Variants in PROM1 observed in about 807,000 individuals in gnomAD.
PROM1 encodes the protein prominin-1.
PROM1 carries 105 observed loss-of-function variants against 116.9 expected under a neutral mutation model. The observed-to-expected ratio is 0.90, with a 90% CI of 0.77 to 1.06. PROM1 has a LOEUF of 1.06. Among genes scored for constraint, PROM1 ranks in the 50% least tolerant of loss-of-function variants. PROM1 has a pLI of 0.00. For missense variants in PROM1, 1,122 were observed against 1,045.2 expected (o/e 1.07, Z -1.01); for synonymous variants, 393 against 387.0 (o/e 1.02, Z -0.18).
At chr4:15,980,586 G>A (rs1363808718) in intron 23 of PROM1, 49 bp from the exon 24 acceptor site, 2 of 1,145,294 alleles carry the variant, frequency 1.7e-6, no homozygotes, top group African/African-American at 1.6e-5. Context: ...TAAGAAATGG[G>A]AAAAACAGTT....
At chr4:15,995,482 T>C (rs963802975) in intron 15 of PROM1, among the ~76,000 whole-genome samples, 4 of 152,126 alleles carry the variant, frequency 2.6e-5, no homozygotes, top group African/African-American at 9.7e-5. Context: ...GAGTAACATT[T>C]ATAAGTTCAT....
At chr4:15,978,602 T>G (rs1301161645) in intron 26 of PROM1, among the ~76,000 whole-genome samples, 1 of 152,196 alleles carries the variant, frequency 6.6e-6, no homozygotes. Flanking sequence ...ATCTCCCCCA[T>G]GCACCAACGT....
chr4:15,994,976 C>A (rs1207267672), intron 15 of PROM1, among the ~76,000 whole-genome samples: 1 of 152,198 alleles, frequency 6.6e-6, no homozygotes, highest in Non-Finnish European at 1.5e-5. Flanking sequence ...AGCTAGCATG[C>A]CAGGCTGAGA....
chr4:16,008,875 G>T, intron 12 of PROM1, 74 bp downstream of exon 12: 1 of 1,373,522 alleles, frequency 7.3e-7, no homozygotes, highest in South Asian at 1.3e-5. Flanking sequence ...TTATCCTGGT[G>T]CTAATGTCAG....
At chr4:16,044,012 G>T (rs10213467) in intron 2 of PROM1, among the ~76,000 whole-genome samples, 1 of 152,100 alleles carries the variant, frequency 6.6e-6, no homozygotes. Flanking sequence ...TTCTCTTGCA[G>T]TTTCTCACTA....
chr4:16,031,963 C>T (rs1389199669), intron 5 of PROM1, among the ~76,000 whole-genome samples: 6 of 151,874 alleles, frequency 4.0e-5, no homozygotes, highest in East Asian at 1.9e-4. Flanking sequence ...AGGTAATACC[C>T]GAGCCTGGTA....
intron 22 of PROM1, 129 bp downstream of exon 22, chr4:15,985,631 C>T (rs1719173450): frequency 1.3e-6 from 1 of 757,770 alleles, no homozygotes; most frequent in Non-Finnish European, 2.2e-6. Context: ...TCCTGCACAT[C>T]AATGTCCTTT....
intron 26 of PROM1, among the ~76,000 whole-genome samples, chr4:15,973,649 C>G (rs550316382): frequency 6.6e-6 from 1 of 152,190 alleles, no homozygotes; most frequent in Non-Finnish European, 1.5e-5. Flanking sequence ...TCTAGCAACA[C>G]TTGCCTCTTA....
chr4:16,021,982 C>A (rs1380939349), intron 8 of PROM1, among the ~76,000 whole-genome samples: 2 of 151,684 alleles, frequency 1.3e-5, no homozygotes, highest in African/African-American at 4.9e-5. Context: ...GATGTTCTTA[C>A]AAGAAGAGGA....
rs1207978438 is a variant in PROM1 at position 16,006,318 on chromosome 4, G to A, written c.1454+220C>T. Among the ~76,000 whole-genome samples the A allele has an allele frequency of 2.6e-5, 4 of 152,192 alleles. No individual in the cohort carries two copies. In the East Asian group the frequency reaches 7.7e-4, roughly 29 times the overall value. ...ATCAAAATGCAAGTAATTTAGTGTT[G>A]TTGTTGTTGTTGTTTGTTTGTTTTT... On this transcript the variant is annotated intron_variant, in intron 13 of 27. Coordinates refer to ENST00000447510, the MANE Select transcript of PROM1 (RefSeq NM_006017.3).
At chr4:16,080,857 C>T (rs1393594707) in intron 1 of PROM1, among the ~76,000 whole-genome samples, 2 of 152,146 alleles carry the variant, frequency 1.3e-5, no homozygotes, top group Non-Finnish European at 1.5e-5. Context: ...TAATTCATTC[C>T]AGCAATGATG....
In PROM1 at chr4:16,018,557, C is replaced by T. The variant is rs574658646; in HGVS notation, c.785-17G>A. 57 of 1,583,566 alleles carry T rather than the reference C, an allele frequency of 3.6e-5. No individual in the cohort carries two copies. Among genetic ancestry groups the T allele is most frequent in the Middle Eastern group, 4.5e-4 (2 of 4,454 alleles). ...CCTTGATCGCTATGGAAACACAGCC[C>T]GCTTCAGAACACACATGCCAAGTCC... On this transcript the variant is annotated splice_polypyrimidine_tract_variant and intron_variant, in intron 8 of 27. Transcript: ENST00000447510.
intron 5 of PROM1, among the ~76,000 whole-genome samples, chr4:16,032,996 T>C (rs1733095573): frequency 6.6e-6 from 1 of 152,200 alleles, no homozygotes; most frequent in African/African-American, 2.4e-5. Context: ...AGGAGTCTGC[T>C]GTGCTGGGAG....
chr4:16,010,590 A>G (rs938019248), intron 11 of PROM1, among the ~76,000 whole-genome samples: 3 of 152,278 alleles, frequency 2.0e-5, no homozygotes, highest in African/African-American at 7.2e-5. Flanking sequence ...TGCAGGCTCA[A>G]CCTCCTGGGC....
chr4:16,011,911 A>C lies in PROM1; in HGVS notation c.1141+1364T>G, dbSNP rs191192044. On this transcript the variant is annotated intron_variant, in intron 11 of 27. Coordinates refer to ENST00000447510, the MANE Select transcript of PROM1 (RefSeq NM_006017.3). The stretch of plus-strand genomic sequence containing the variant: ...AATATTTTAAAACCACTTACTCAAC[A>C]GTTAAAAGCAGCACTAAAATGATTT... Among the ~76,000 whole-genome samples, 109 of 152,352 alleles carry C rather than the reference A, an allele frequency of 7.2e-4. 1 individual carries two copies. Among genetic ancestry groups the C allele is most frequent in the Non-Finnish European group, 2.5e-4 (17 of 68,034 alleles).
At chr4:15,989,965 G>A (rs768978064) in intron 18 of PROM1, 141 bp from the exon 19 acceptor site, 7 of 668,152 alleles carry the variant, frequency 1.0e-5, no homozygotes, top group Admixed American at 7.0e-5. Flanking sequence ...CATGGGGGCT[G>A]GTGTGAGGGA....
intron 2 of PROM1, among the ~76,000 whole-genome samples, chr4:16,051,077 C>T (rs995534367): frequency 2.6e-5 from 4 of 152,162 alleles, no homozygotes; most frequent in African/African-American, 9.7e-5. Context: ...GGAGTAAAGA[C>T]TTACTAGAGC....
intron 19 of PROM1, among the ~76,000 whole-genome samples, chr4:15,988,033 C>T (rs890565649): frequency 7.2e-5 from 11 of 152,104 alleles, no homozygotes; most frequent in South Asian, 2.1e-4. Flanking sequence ...TCCTCCACCA[C>T]GCCCGGCTAA....
At chr4:16,074,118 A>G (rs1743435385) in intron 2 of PROM1, among the ~76,000 whole-genome samples, 1 of 152,238 alleles carries the variant, frequency 6.6e-6, no homozygotes, top group African/African-American at 2.4e-5. Context: ...GTAGGAAACT[A>G]GTTTAAAAGG....
Sources: allele counts gnomAD v4.1 joint callset (sites outside exome capture counted in the v4.1 genomes callset), GRCh38; gene constraint gnomAD v4.1.1; transcripts MANE v1.5; gene names NCBI Gene and HGNC (gene_info 2026-07-23, HGNC 2026-07-21).